CTNNA3: variants seen among roughly 807,000 people sequenced by gnomAD.
The protein encoded by CTNNA3 is catenin alpha 3.
In CTNNA3, 76 loss-of-function variants were observed where a neutral mutation model predicts 95.7. The observed-to-expected ratio is 0.79, with a 90% CI of 0.66 to 0.96. The LOEUF is 0.96. Ranked by LOEUF, CTNNA3 falls within the 40% of genes least tolerant of loss-of-function variation. The probability of loss-of-function intolerance (pLI) is 0.00; values close to 1 mark genes in which losing one functional copy is unlikely to be tolerated. For missense variants in CTNNA3, 1,191 were observed against 1,089.8 expected (o/e 1.09, Z -1.31); for synonymous variants, 431 against 374.4 (o/e 1.15, Z -1.74).
At position 67,227,194 on chromosome 10, in the gene CTNNA3, CGAT is replaced by C. The variant is rs200301760; in HGVS notation, c.580-7327_580-7325del. 3.8e-3 allele frequency among the ~76,000 whole-genome samples: 580 copies of C among 151,370 alleles called. 5 individuals carry two copies. Among genetic ancestry groups the C allele is most frequent in the African/African-American group, 0.013 (555 of 41,212 alleles). ...ACAACCTCTGCCTCCCAGTTTCAAG[CGAT>C]TCTCCTGCCTCAGCCTCCCAAGTAG... On this transcript the variant is annotated intron_variant, in intron 5 of 17. Coordinates refer to ENST00000433211, the MANE Select transcript of CTNNA3 (RefSeq NM_013266.4).
intron 7 of CTNNA3, among the ~76,000 whole-genome samples, chr10:66,967,062 G>C (rs1589511020): frequency 6.6e-6 from 1 of 151,966 alleles, no homozygotes; most frequent in African/African-American, 2.4e-5. Context: ...ATAGAACCTG[G>C]TACCACTATA....
rs1366890015 is a variant in CTNNA3 at position 66,766,255 on chromosome 10, C to T, written c.1281+9G>A. The T allele has an allele frequency of 6.2e-7, 1 of 1,612,752 alleles. No homozygotes were observed. The highest frequency in any genetic ancestry group is 8.5e-7 in the Non-Finnish European group (1 of 1,179,198). On this transcript the variant is annotated intron_variant, in intron 9 of 17. Coordinates refer to ENST00000433211, the MANE Select transcript of CTNNA3 (RefSeq NM_013266.4). ...GGACTTTAGTGAGTTACAGTTCTAG[C>T]ATGCTTACCTCTACAAGCCTGCTGG...
chr10:66,318,258 G>GAA (rs1422930758), intron 12 of CTNNA3, among the ~76,000 whole-genome samples: 2 of 103,254 alleles, frequency 1.9e-5, no homozygotes, highest in East Asian at 6.3e-4. Context: ...GGAGTTGCTG[G>GAA]GAGATATATA....
intron 5 of CTNNA3, among the ~76,000 whole-genome samples, chr10:67,516,064 A>G (rs1839801125): frequency 6.6e-6 from 1 of 151,984 alleles, no homozygotes; most frequent in African/African-American, 2.4e-5. Flanking sequence ...CTATATTCAA[A>G]TGATTCTCCT....
At chr10:66,057,724 C>T (rs1444922024) in intron 15 of CTNNA3, among the ~76,000 whole-genome samples, 2 of 152,044 alleles carry the variant, frequency 1.3e-5, no homozygotes, top group Admixed American at 6.6e-5. Flanking sequence ...AAAAGTAAGC[C>T]ATCATTCTGG....
chr10:67,483,170 G>C lies in CTNNA3; in HGVS notation c.579+38672C>G, dbSNP rs1848304444. 2.0e-5 allele frequency among the ~76,000 whole-genome samples: 3 copies of C among 151,930 alleles called. No homozygotes were observed. The South Asian group carries it at 6.3e-4, about 32-fold the overall frequency. On this transcript the variant is annotated intron_variant, in intron 5 of 17. Transcript: ENST00000433211. ...AGGAACACTTTTACACTGTTGGTGGGACTGTAAACTAGTTCAACCACTGTG... is the reference window on the plus strand; with the variant it reads ...AGGAACACTTTTACACTGTTGGTGGCACTGTAAACTAGTTCAACCACTGTG...
At chr10:66,475,053 G>C (rs1372622486) in intron 11 of CTNNA3, among the ~76,000 whole-genome samples, 2 of 151,864 alleles carry the variant, frequency 1.3e-5, no homozygotes, top group Non-Finnish European at 2.9e-5. Flanking sequence ...CACTGCTGTA[G>C]AAGAGACTTG....
intron 12 of CTNNA3, among the ~76,000 whole-genome samples, chr10:66,340,839 C>T (rs577072115): frequency 1.3e-5 from 2 of 151,734 alleles, no homozygotes; most frequent in African/African-American, 2.4e-5. Flanking sequence ...CCAAAGGTAA[C>T]ATTATTTTTA....
At chr10:66,219,805 G>C (rs769331118) in intron 13 of CTNNA3, among the ~76,000 whole-genome samples, 1 of 152,062 alleles carries the variant, frequency 6.6e-6, no homozygotes, top group Non-Finnish European at 1.5e-5. Context: ...GCAGCAATAG[G>C]AAACTACTAC....
chr10:66,681,604 T>C (rs1331187584), intron 9 of CTNNA3, among the ~76,000 whole-genome samples: 1 of 152,288 alleles, frequency 6.6e-6, no homozygotes, highest in Middle Eastern at 3.4e-3. Flanking sequence ...TAGGCTCTTG[T>C]AGCAAAAGGA....
intron 9 of CTNNA3, among the ~76,000 whole-genome samples, chr10:66,631,325 G>A (rs577435742): frequency 4.6e-5 from 7 of 152,238 alleles, no homozygotes; most frequent in Admixed American, 4.6e-4. Flanking sequence ...TTAGACAAAG[G>A]AGAAGAGCTA....
intron 7 of CTNNA3, among the ~76,000 whole-genome samples, chr10:66,850,563 A>G (rs35944058): frequency 0.082 from 12,499 of 152,146 alleles, 561 homozygotes; most frequent in South Asian, 0.1. Flanking sequence ...ATTTAGGAGT[A>G]TGCTTGTGTG....
chr10:67,660,879 C>G (rs2133523572), intron 1 of CTNNA3, among the ~76,000 whole-genome samples: 1 of 146,502 alleles, frequency 6.8e-6, no homozygotes, highest in African/African-American at 2.6e-5. Context: ...TGCAGTGAGC[C>G]AAGATCGCGC....
intron 7 of CTNNA3, among the ~76,000 whole-genome samples, chr10:66,901,426 C>A (rs1845740335): frequency 6.6e-6 from 1 of 152,160 alleles, no homozygotes; most frequent in African/African-American, 2.4e-5. Context: ...AAAAACATGC[C>A]AAATTCTAAA....
chr10:67,340,564 G>A (rs570092407), intron 5 of CTNNA3, among the ~76,000 whole-genome samples: 1 of 152,302 alleles, frequency 6.6e-6, no homozygotes, highest in African/African-American at 2.4e-5. Flanking sequence ...CTGCTCTGCT[G>A]TGTTTTTGTA....
chr10:67,697,026 A>C (rs146499579), upstream of CTNNA3, among the ~76,000 whole-genome samples: 1,395 of 152,304 alleles, frequency 9.2e-3, 25 homozygotes, highest in African/African-American at 0.032. Flanking sequence ...GAAAGCATTT[A>C]TTTATTGGCT....
At chr10:65,984,933 A>G (rs2133313668) in intron 16 of CTNNA3, among the ~76,000 whole-genome samples, 1 of 151,360 alleles carries the variant, frequency 6.6e-6, no homozygotes, top group Non-Finnish European at 1.5e-5. Context: ...AATCAAACTC[A>G]GAAATTTTGA....
At chr10:66,548,636 A>C (rs149754247) in intron 10 of CTNNA3, among the ~76,000 whole-genome samples, 189 of 152,224 alleles carry the variant, frequency 1.2e-3, no homozygotes, top group African/African-American at 4.3e-3. Flanking sequence ...ATTTTGTCAG[A>C]TATTTTTCTG....
At chr10:67,743,461 C>G (rs1003329599) in intron 1 of CTNNA3, among the ~76,000 whole-genome samples, 2 of 151,216 alleles carry the variant, frequency 1.3e-5, no homozygotes, top group African/African-American at 4.8e-5. Flanking sequence ...ACGCTTCATG[C>G]TAAAAACTCT....
Sources: gnomAD v4.1 joint callset for allele counts (sites outside exome capture counted in the v4.1 genomes callset) on GRCh38, gnomAD v4.1.1 for gene constraint, MANE v1.5 for transcripts, NCBI Gene and HGNC (gene_info 2026-07-23, HGNC 2026-07-21) for gene names.